The following ZNF277 variants were observed in gnomAD, a reference collection of about 807,000 sequenced individuals.
ZNF277 encodes the protein zinc finger protein 277.
Under a neutral mutation model 60.7 loss-of-function variants are expected in ZNF277, and 55 were observed. The ratio of observed to expected loss-of-function variants is 0.91; its 90% CI spans 0.73 to 1.13. The LOEUF is 1.13. Among genes scored for constraint, ZNF277 ranks in the 50% most tolerant of loss-of-function variants. ZNF277 has a pLI of 0.00. For missense variants in ZNF277, 510 were observed against 523.0 expected, an observed-to-expected ratio of 0.98 and a Z score of 0.24; for synonymous variants, 178 against 179.3, an observed-to-expected ratio of 0.99 and a Z score of 0.06.
chr7:112,332,398 A>G (rs1174745266), intron 7 of ZNF277, among the ~76,000 whole-genome samples: 1 of 152,192 alleles, frequency 6.6e-6, no homozygotes, highest in Non-Finnish European at 1.5e-5. Context: ...TCACATGGCT[A>G]GGGCAAGTTA....
intron 10 of ZNF277, 94 bp downstream of exon 10, chr7:112,339,979 G>A: frequency 8.8e-7 from 1 of 1,142,698 alleles, no homozygotes; most frequent in Non-Finnish European, 1.3e-6. Flanking sequence ...TGATTGGAGA[G>A]TGCACCACCA....
At chr7:112,274,873 AATCT>A (rs1791757820) in intron 1 of ZNF277, among the ~76,000 whole-genome samples, 2 of 152,182 alleles carry the variant, frequency 1.3e-5, no homozygotes, top group Admixed American at 1.3e-4. Context: ...TAACCAATCA[AATCT>A]ATCTGTGTCA....
intron 1 of ZNF277, among the ~76,000 whole-genome samples, chr7:112,273,263 A>T (rs1791719651): frequency 6.6e-6 from 1 of 152,124 alleles, no homozygotes; most frequent in Non-Finnish European, 1.5e-5. Context: ...CTGACTAGGG[A>T]TGGTCTAAAT....
chr7:112,318,313 C>T, intron 5 of ZNF277, 40 bp downstream of exon 5: 1 of 1,546,270 alleles, frequency 6.5e-7, no homozygotes, highest in Non-Finnish European at 8.9e-7. Flanking sequence ...TGTTTTTAAT[C>T]TGAAAACTCA....
chr7:112,213,264 C>T (rs1821800515), intron 1 of ZNF277, among the ~76,000 whole-genome samples: 2 of 152,308 alleles, frequency 1.3e-5, no homozygotes, highest in African/African-American at 4.8e-5. Context: ...GAGGCTTCCC[C>T]AGCCATGTGA....
In ZNF277 at chr7:112,286,841, C is replaced by CTTTT. The variant is rs10710470; in HGVS notation, c.92-16_92-13dup. ...AGTTGGTTTCAGCTTTTCTTTCTTT[C>CTTTT]TTTTTTTTTTTTTTTTTTTGGTCTA... On this transcript the variant is annotated intron_variant, in intron 1 of 11. Transcript: ENST00000361822. The CTTTT allele has an allele frequency of 9.4e-4, 891 of 950,910 alleles. 20 individuals carry two copies. Among genetic ancestry groups the CTTTT allele is most frequent in the African/African-American group, 3.1e-3 (111 of 35,596 alleles). 58.9% of individuals were successfully genotyped at this position (950,910 alleles called of 1,614,324 possible).
At chr7:112,242,575 A>AAAAAAAT (rs1563201889) in intron 1 of ZNF277, among the ~76,000 whole-genome samples, 1 of 133,284 alleles carries the variant, frequency 7.5e-6, no homozygotes, top group Non-Finnish European at 1.6e-5. Context: ...AAAAAAAAAC[A>AAAAAAAT]AAATAAAATA....
chr7:112,328,677 C>T (rs1302111193), intron 6 of ZNF277, among the ~76,000 whole-genome samples: 1 of 152,076 alleles, frequency 6.6e-6, no homozygotes, highest in Non-Finnish European at 1.5e-5. Context: ...TTGAGACCAG[C>T]CTGACCAACA....
intron 1 of ZNF277, among the ~76,000 whole-genome samples, chr7:112,278,758 A>G (rs1791875747): frequency 6.6e-6 from 1 of 152,164 alleles, no homozygotes. Flanking sequence ...TAAAAAAAAT[A>G]CATAACATGA....
intron 1 of ZNF277, among the ~76,000 whole-genome samples, chr7:112,227,626 A>G: frequency 6.6e-6 from 1 of 152,204 alleles, no homozygotes; most frequent in East Asian, 1.9e-4. Context: ...CTAAGGAGAC[A>G]GCTTTAGGCT....
chr7:112,206,890 TAGG>T, intron 1 of ZNF277, 83 bp downstream of exon 1: 1 of 1,399,198 alleles, frequency 7.1e-7, no homozygotes, highest in African/African-American at 1.4e-5. Flanking sequence ...GGTCTGACCC[TAGG>T]AGCCCTTCAG....
intron 1 of ZNF277, among the ~76,000 whole-genome samples, chr7:112,250,127 CACCTGGGGGTAGGTCTCTA>C (rs1554487115): frequency 1.3e-5 from 2 of 152,118 alleles, no homozygotes; most frequent in Non-Finnish European, 2.9e-5. Flanking sequence ...AGAGAATGTG[CACCTGGGGGTAGGTCTCTA>C]ACCTGGCCCC....
chr7:112,225,666 A>C (rs933099457), intron 1 of ZNF277, among the ~76,000 whole-genome samples: 2 of 152,240 alleles, frequency 1.3e-5, no homozygotes, highest in Admixed American at 1.3e-4. Flanking sequence ...AGCCTAAATG[A>C]ATTAAAAATT....
At chr7:112,207,449 G>A (rs895091172) in intron 1 of ZNF277, among the ~76,000 whole-genome samples, 6 of 152,176 alleles carry the variant, frequency 3.9e-5, no homozygotes, top group Admixed American at 3.3e-4. Flanking sequence ...CTTAGAGAAA[G>A]AAAAGGAAAG....
chr7:112,226,622 A>C (rs570595405), intron 1 of ZNF277, among the ~76,000 whole-genome samples: 1 of 152,298 alleles, frequency 6.6e-6, no homozygotes, highest in Non-Finnish European at 1.5e-5. Flanking sequence ...CTTCTTATTA[A>C]GTCAGGTAAC....
chr7:112,311,837 A>G (rs1563224864), intron 4 of ZNF277, among the ~76,000 whole-genome samples: 1 of 152,246 alleles, frequency 6.6e-6, no homozygotes, highest in African/African-American at 2.4e-5. Context: ...CTGATCAGCA[A>G]TTGTCAGTAT....
At chr7:112,292,569 C>G (rs10953709) in intron 2 of ZNF277, among the ~76,000 whole-genome samples, 4 of 152,060 alleles carry the variant, frequency 2.6e-5, no homozygotes, top group African/African-American at 9.7e-5. Flanking sequence ...ATTATAGGGG[C>G]TCTTTCCTGT....
intron 1 of ZNF277, among the ~76,000 whole-genome samples, chr7:112,209,954 A>G (rs903931804): frequency 2.6e-4 from 39 of 152,154 alleles, no homozygotes; most frequent in Admixed American, 2.6e-3. Context: ...CAATGAGAAC[A>G]CTTGGACACA....
Position 112,335,995 on chromosome 7 carries a change from C to T in ZNF277, c.802-109C>T, listed in dbSNP as rs1021047318. The T allele has an allele frequency of 6.1e-5, 47 of 775,620 alleles. No individual in the cohort carries two copies. In the Admixed American group the frequency reaches 1.2e-3, roughly 21 times the overall value. The allele number at this position is 775,620 out of a possible 1,614,324, so 48.0% of individuals were successfully genotyped here. A position where few individuals can be genotyped will look rare whatever the true frequency, so the allele number is the denominator to read the frequency against. ...TTGTACTGTTTCAAAACCATTTAAA[C>T]ATGGGTGGTTTTGTTTATTTTTTTG... is the stretch of plus-strand genomic sequence containing the variant. On this transcript the variant is annotated intron_variant, in intron 7 of 11. Transcript: ENST00000361822.
Sources: gnomAD v4.1 joint callset for allele counts (sites outside exome capture counted in the v4.1 genomes callset) on GRCh38, gnomAD v4.1.1 for gene constraint, MANE v1.5 for transcripts, NCBI Gene and HGNC (gene_info 2026-07-23, HGNC 2026-07-21) for gene names.